LMX1A: variants seen among roughly 807,000 people sequenced by gnomAD.
LMX1A encodes the protein LIM homeobox transcription factor 1 alpha.
LMX1A carries 15 observed loss-of-function variants against 49.1 expected under a neutral mutation model. The ratio of observed to expected loss-of-function variants is 0.31; its 90% confidence interval spans 0.20 to 0.47. LMX1A has a LOEUF of 0.47. Ranked by LOEUF, LMX1A falls within the 20% of genes least tolerant of loss-of-function variation. The pLI is 1.00. For synonymous variants in LMX1A, 167 were observed against 185.7 expected, an observed-to-expected ratio of 0.90 and a Z score of 0.82; for missense variants, 372 against 475.8, an observed-to-expected ratio of 0.78 and a Z score of 2.03.
At chr1:165,354,327 G>A (rs1656526508) in intron 2 of LMX1A, among the ~76,000 whole-genome samples, 3 of 152,158 alleles carry the variant, frequency 2.0e-5, no homozygotes. Context: ...GAAGCAGCGA[G>A]ATAGATCCCA....
At chr1:165,346,422 C>T (rs1487874101) in intron 3 of LMX1A, among the ~76,000 whole-genome samples, 1 of 152,196 alleles carries the variant, frequency 6.6e-6, no homozygotes. Context: ...GTTGTTATGA[C>T]ATTATGGTGC....
At chr1:165,343,265 G>A (rs906002374) in intron 3 of LMX1A, among the ~76,000 whole-genome samples, 2 of 152,110 alleles carry the variant, frequency 1.3e-5, no homozygotes, top group Non-Finnish European at 2.9e-5. Context: ...TGGTAACACA[G>A]CTAAGGAACA....
At chr1:165,338,270 CT>C (rs1655963517) in intron 3 of LMX1A, among the ~76,000 whole-genome samples, 1 of 152,198 alleles carries the variant, frequency 6.6e-6, no homozygotes. Context: ...TCAGAACCCT[CT>C]TTCTCTCTGA....
chr1:165,325,159 T>C (rs1331158925), intron 3 of LMX1A, among the ~76,000 whole-genome samples: 3 of 152,154 alleles, frequency 2.0e-5, no homozygotes, highest in Non-Finnish European at 4.4e-5. Context: ...AACATCATCA[T>C]GTTGGTCTCA....
chr1:165,335,305 C>T (rs1225447298), intron 3 of LMX1A, among the ~76,000 whole-genome samples: 2 of 151,862 alleles, frequency 1.3e-5, no homozygotes, highest in African/African-American at 4.8e-5. Flanking sequence ...TTTATAAAAG[C>T]AAAAATACAT....
At chr1:165,280,396 T>C (rs1251419640) in intron 3 of LMX1A, among the ~76,000 whole-genome samples, 2 of 149,104 alleles carry the variant, frequency 1.3e-5, no homozygotes, top group Admixed American at 1.3e-4. Flanking sequence ...TGATGAGCCA[T>C]CATCTGAAGC....
At chr1:165,314,331 G>A (rs1655159694) in intron 3 of LMX1A, among the ~76,000 whole-genome samples, 2 of 152,158 alleles carry the variant, frequency 1.3e-5, no homozygotes, top group African/African-American at 4.8e-5. Flanking sequence ...CATCCCAGAT[G>A]CTTCAAAAAG....
Position 165,241,822 on chromosome 1 carries a change from A to G in LMX1A, c.496+7586T>C, listed in dbSNP as rs536042246. The stretch of plus-strand genomic sequence containing the variant: ...TAACGAATTGAAAAAAACAGTTCCA[A>G]GGTTGTAGAAGGAAATTAAGACAAA... On this transcript the variant is annotated intron_variant, in intron 4 of 8. Coordinates refer to ENST00000342310, the MANE Select transcript of LMX1A (RefSeq NM_177398.4). Among the ~76,000 whole-genome samples, 202 of 152,340 alleles carry G rather than the reference A, an allele frequency of 1.3e-3. 1 individual carries two copies. Among genetic ancestry groups the G allele is most frequent in the African/African-American group, 4.7e-3 (194 of 41,574 alleles).
At chr1:165,340,904 G>A (rs140286220) in intron 3 of LMX1A, among the ~76,000 whole-genome samples, 5 of 152,076 alleles carry the variant, frequency 3.3e-5, no homozygotes, top group South Asian at 2.1e-4. Flanking sequence ...CTTATCCTAC[G>A]TCAGGAATAT....
At chr1:165,292,927 G>A (rs911328238) in intron 3 of LMX1A, among the ~76,000 whole-genome samples, 2 of 152,022 alleles carry the variant, frequency 1.3e-5, no homozygotes, top group African/African-American at 2.4e-5. Context: ...GACCATCCTG[G>A]CAAACATAGT....
At chr1:165,224,539 TTG>T (rs1243448918) in intron 4 of LMX1A, among the ~76,000 whole-genome samples, 3 of 152,184 alleles carry the variant, frequency 2.0e-5, no homozygotes, top group African/African-American at 7.2e-5. Flanking sequence ...CATTATAATT[TTG>T]TGTGTCTTCT....
At chr1:165,276,262 C>T (rs1653964654) in intron 3 of LMX1A, among the ~76,000 whole-genome samples, 1 of 152,182 alleles carries the variant, frequency 6.6e-6, no homozygotes, top group South Asian at 2.1e-4. Context: ...ATAGAGAGGT[C>T]TTGAATGCTG....
intron 3 of LMX1A, among the ~76,000 whole-genome samples, chr1:165,314,036 C>T (rs1655150858): frequency 6.6e-6 from 1 of 152,208 alleles, no homozygotes; most frequent in Non-Finnish European, 1.5e-5. Flanking sequence ...CCAGCCCTCA[C>T]CCCACAGCTA....
At chr1:165,247,122 T>C (rs991484090) in intron 4 of LMX1A, among the ~76,000 whole-genome samples, 2 of 141,410 alleles carry the variant, frequency 1.4e-5, no homozygotes, top group Admixed American at 1.5e-4. Context: ...ATGCCTCTTA[T>C]TGATTTTCTA....
chr1:165,354,146 AG>A, intron 2 of LMX1A, among the ~76,000 whole-genome samples: 1 of 152,260 alleles, frequency 6.6e-6, no homozygotes, highest in East Asian at 1.9e-4. Context: ...AGCTATTTAA[AG>A]AAGGCCTTGT....
chr1:165,307,391 G>A (rs1235126093), intron 3 of LMX1A, among the ~76,000 whole-genome samples: 1 of 152,178 alleles, frequency 6.6e-6, no homozygotes, highest in African/African-American at 2.4e-5. Flanking sequence ...CATTCCACAA[G>A]CATTCTGGAT....
At chr1:165,277,606 C>T (rs569661634) in intron 3 of LMX1A, among the ~76,000 whole-genome samples, 1 of 152,196 alleles carries the variant, frequency 6.6e-6, no homozygotes, top group Non-Finnish European at 1.5e-5. Context: ...AACCCAAGTC[C>T]GTCTTTACTC....
intron 3 of LMX1A, among the ~76,000 whole-genome samples, chr1:165,254,587 G>A (rs141491894): frequency 1.2e-3 from 177 of 152,272 alleles, no homozygotes; most frequent in Middle Eastern, 3.4e-3. Context: ...TACGGCTACC[G>A]CTGTGGACCC....
At position 165,354,051 on chromosome 1, in the gene LMX1A, C is replaced by T. The variant is rs147682835; in HGVS notation, c.77-789G>A. 5.1e-4 allele frequency among the ~76,000 whole-genome samples: 78 copies of T among 152,294 alleles called. 1 individual carries two copies. The East Asian group carries it at 0.013, about 24-fold the overall frequency. On this transcript the variant is annotated intron_variant, in intron 2 of 8. Transcript: ENST00000342310. ...AATCCACTCTTTGCTACCCCTTGGA[C>T]TTTGTGTTTTGTTCCTTTAGTTTGT...
Sources: gnomAD v4.1 joint callset for allele counts (sites outside exome capture counted in the v4.1 genomes callset) on GRCh38, gnomAD v4.1.1 for gene constraint, MANE v1.5 for transcripts, NCBI Gene and HGNC (gene_info 2026-07-23, HGNC 2026-07-21) for gene names.